The following NAMPT variants were observed in gnomAD, a reference collection of about 807,000 sequenced individuals.
NAMPT encodes nicotinamide phosphoribosyltransferase.
Under a neutral mutation model 58.7 loss-of-function variants are expected in NAMPT, and 7 were observed. That is an observed-to-expected ratio of 0.12 (90% CI 0.07 to 0.22). The LOEUF (loss-of-function observed/expected upper bound fraction) is 0.22, where lower values mean the gene tolerates loss of function less well. Ranked by LOEUF, NAMPT falls within the 10% of genes least tolerant of loss-of-function variation. The pLI is 1.00. For missense variants in NAMPT, 271 were observed against 567.9 expected (o/e 0.48, Z 5.31); for synonymous variants, 145 against 198.1 (o/e 0.73, Z 2.25).
chr7:106,256,968 C>T (rs183530600), intron 8 of NAMPT, among the ~76,000 whole-genome samples: 1 of 152,006 alleles, frequency 6.6e-6, no homozygotes, highest in South Asian at 2.1e-4. Context: ...CTGAGGTCAG[C>T]AGTTCGAGAC....
Position 106,284,885 on chromosome 7 carries a change from C to A in NAMPT, c.-1G>T, listed in dbSNP as rs1039587449. The A allele has an allele frequency of 6.3e-7, 1 of 1,584,354 alleles. No homozygotes were observed. The highest frequency in any genetic ancestry group is 1.1e-5 in the South Asian group (1 of 87,076). ...ACTCGGCTTCTGCCGCAGGATTCAT[C>A]TCGGGCCGGAGGACAGGGGCCGCGC... On this transcript the variant is annotated 5_prime_UTR_variant, in exon 1 of 11. Coordinates refer to ENST00000222553, the MANE Select transcript of NAMPT (RefSeq NM_005746.3).
chr7:106,277,504 TG>T (rs1452528931), intron 1 of NAMPT, among the ~76,000 whole-genome samples: 1 of 152,170 alleles, frequency 6.6e-6, no homozygotes, highest in African/African-American at 2.4e-5. Flanking sequence ...AGCTGCCTAA[TG>T]GGCACACACA....
intron 8 of NAMPT, among the ~76,000 whole-genome samples, chr7:106,260,567 C>T (rs1792285109): frequency 6.6e-6 from 1 of 152,198 alleles, no homozygotes; most frequent in South Asian, 2.1e-4. Flanking sequence ...AAGAACTTTT[C>T]CTTTGCATTC....
intron 10 of NAMPT, among the ~76,000 whole-genome samples, chr7:106,251,513 AT>A (rs1792103141): frequency 6.6e-6 from 1 of 152,214 alleles, no homozygotes; most frequent in African/African-American, 2.4e-5. Flanking sequence ...CTGAAGGAAG[AT>A]GCCTGGGTGC....
intron 6 of NAMPT, among the ~76,000 whole-genome samples, chr7:106,267,483 C>T (rs1792435086): frequency 6.6e-6 from 1 of 152,074 alleles, no homozygotes; most frequent in Admixed American, 6.5e-5. Context: ...CTTAAATATT[C>T]CCTAATGATT....
At chr7:106,280,798 G>A (rs568636441) in intron 1 of NAMPT, among the ~76,000 whole-genome samples, 7 of 151,646 alleles carry the variant, frequency 4.6e-5, no homozygotes, top group East Asian at 1.9e-4. Context: ...AAAACTAGCC[G>A]GGCGTGGTGG....
chr7:106,262,270 A>C (rs940594797), intron 7 of NAMPT, among the ~76,000 whole-genome samples: 1 of 152,086 alleles, frequency 6.6e-6, no homozygotes, highest in African/African-American at 2.4e-5. Context: ...TTACTCATTC[A>C]CTAACTACTA....
chr7:106,266,903 TTCAG>T (rs1443856561), intron 6 of NAMPT, among the ~76,000 whole-genome samples: 1 of 152,160 alleles, frequency 6.6e-6, no homozygotes, highest in Non-Finnish European at 1.5e-5. Flanking sequence ...ATAGTTAACA[TTCAG>T]TGTCAAAATA....
chr7:106,257,464 TAAAA>T (rs58198836), intron 8 of NAMPT, among the ~76,000 whole-genome samples: 2 of 125,696 alleles, frequency 1.6e-5, no homozygotes, highest in Admixed American at 7.9e-5. Flanking sequence ...TACAAAACAT[TAAAA>T]AAAAAAAAAA....
chr7:106,265,469 C>T (rs927574084), intron 6 of NAMPT, among the ~76,000 whole-genome samples: 3 of 151,478 alleles, frequency 2.0e-5, no homozygotes, highest in Admixed American at 1.3e-4. Context: ...GCTGTGCTCT[C>T]CTTCTTTAAT....
In NAMPT at chr7:106,254,411, A is replaced by G; in HGVS notation, c.1183T>C (p.Leu395=). The G allele has an allele frequency of 6.2e-7, 1 of 1,613,998 alleles. No homozygotes were observed. The highest frequency in any genetic ancestry group is 8.5e-7 in the Non-Finnish European group (1 of 1,179,868). The change falls in exon 9 of 11, where the codon TTG becomes CTG. Residue 395 remains leucine, a synonymous_variant. Transcript: ENST00000222553. ...GLLQKLTRDL[L]NCSFKCSYVV... ...TAGCTACACTTGAAGGAACAATTCA[A>G]GAGATCTCTTGTCAACTTCTGTAGC...
chr7:106,273,182 T>C (rs372826267), intron 3 of NAMPT, among the ~76,000 whole-genome samples: 1 of 152,242 alleles, frequency 6.6e-6, no homozygotes, highest in Non-Finnish European at 1.5e-5. Context: ...CCCTCTATTC[T>C]GGTCGTGGAC....
chr7:106,257,826 G>C (rs1419172466), intron 8 of NAMPT, among the ~76,000 whole-genome samples: 1 of 152,192 alleles, frequency 6.6e-6, no homozygotes, highest in Non-Finnish European at 1.5e-5. Context: ...CACAGCAACA[G>C]GCAGGCTAAT....
chr7:106,272,186 C>A, intron 4 of NAMPT: 1 of 299,626 alleles, frequency 3.3e-6, no homozygotes, highest in Non-Finnish European at 6.8e-6. Flanking sequence ...ATTTATCATT[C>A]ATCGAATGTC....
chr7:106,283,178 C>T (rs1026394934), intron 1 of NAMPT, among the ~76,000 whole-genome samples: 4 of 152,040 alleles, frequency 2.6e-5, no homozygotes, highest in Admixed American at 1.3e-4. Flanking sequence ...ATATAAAACA[C>T]ACCAGTCTGA....
At chr7:106,261,356 G>T in intron 8 of NAMPT, 1 of 399,324 alleles carries the variant, frequency 2.5e-6, no homozygotes, top group Non-Finnish European at 4.6e-6. Flanking sequence ...TACTTCTTTA[G>T]ATTCATCATT....
intron 1 of NAMPT, chr7:106,284,367 C>G (rs1792823264): frequency 1.4e-5 from 1 of 72,182 alleles, no homozygotes; most frequent in Non-Finnish European, 2.7e-5. Context: ...CAGGGGCGAG[C>G]GCGCCGGGCT....
chr7:106,285,727 TC>T (rs1792869434), upstream of NAMPT: 3 of 289,930 alleles, frequency 1.0e-5, no homozygotes, highest in South Asian at 4.1e-4. Context: ...AGCTCTTTGA[TC>T]CTTTGAGAGA....
chr7:106,285,319 T>C, upstream of NAMPT: 1 of 504,280 alleles, frequency 2.0e-6, no homozygotes, highest in Non-Finnish European at 2.6e-6. Context: ...GGCGCTTACC[T>C]AAGTTCGAGT....
Sources: gnomAD v4.1 joint callset for allele counts (sites outside exome capture counted in the v4.1 genomes callset) on GRCh38, gnomAD v4.1.1 for gene constraint, MANE v1.5 for transcripts, NCBI Gene and HGNC (gene_info 2026-07-23, HGNC 2026-07-21) for gene names.